The following ART3 variants were observed in gnomAD, a reference collection of about 807,000 sequenced individuals.
ART3 encodes the protein ecto-ADP-ribosyltransferase 3.
ART3 carries 49 observed loss-of-function variants against 48.5 expected under a neutral mutation model. That is an observed-to-expected ratio of 1.01 (90% CI 0.80 to 1.28). The LOEUF (loss-of-function observed/expected upper bound fraction) is 1.28. ART3 is among the 50% of genes most tolerant of loss of function. The probability of loss-of-function intolerance (pLI) is 0.00; values close to 1 mark genes in which losing one functional copy is unlikely to be tolerated. For synonymous variants in ART3, 145 were observed against 157.2 expected (o/e 0.92, Z 0.58); for missense variants, 438 against 454.3 (o/e 0.96, Z 0.33).
rs1478408976 is a variant in ART3, at chr4:76,105,376, C to T, written c.1003+747C>T. 14 of 745,312 alleles carry T rather than the reference C, an allele frequency of 1.9e-5. No individual in the cohort carries two copies. The African/African-American group carries it at 2.5e-4, about 13-fold the overall frequency. 46.2% of individuals were successfully genotyped at this position (745,312 alleles called of 1,614,324 possible). ...ACTTCACTTTCTACGCCCCTGCTTT[C>T]ACATCTGTAAAATGAGGAAAGCTTC... On this transcript the variant is annotated intron_variant, in intron 10 of 11. Coordinates refer to ENST00000355810, the MANE Select transcript of ART3 (RefSeq NM_001130016.3).
At chr4:76,020,240 C>T in intron 1 of ART3, among the ~76,000 whole-genome samples, 1 of 151,912 alleles carries the variant, frequency 6.6e-6, no homozygotes, top group South Asian at 2.1e-4. Flanking sequence ...GATCCTCCTG[C>T]CTCAGCCTCC....
At chr4:76,046,877 G>A (rs1333982059) in intron 1 of ART3, among the ~76,000 whole-genome samples, 1 of 152,000 alleles carries the variant, frequency 6.6e-6, no homozygotes, top group Non-Finnish European at 1.5e-5. Flanking sequence ...GGACCTTGAG[G>A]ACAGTCATCC....
chr4:76,079,585 G>A (rs1250690439), intron 2 of ART3, among the ~76,000 whole-genome samples: 2 of 152,108 alleles, frequency 1.3e-5, no homozygotes, highest in Non-Finnish European at 2.9e-5. Context: ...TAGAAAATAC[G>A]TAGCCTTGAG....
intron 1 of ART3, among the ~76,000 whole-genome samples, chr4:76,016,481 C>T (rs1732269690): frequency 6.6e-6 from 1 of 152,156 alleles, no homozygotes; most frequent in Non-Finnish European, 1.5e-5. Flanking sequence ...CCAAGCACAC[C>T]TGTGGCCACC....
chr4:76,053,560 G>T (rs1007963537), intron 1 of ART3, among the ~76,000 whole-genome samples: 7 of 152,072 alleles, frequency 4.6e-5, no homozygotes, highest in East Asian at 3.8e-4. Flanking sequence ...TTTTATTAGG[G>T]TATAATTAAC....
At chr4:76,087,974 G>A (rs1456411194) in intron 3 of ART3, among the ~76,000 whole-genome samples, 1 of 152,146 alleles carries the variant, frequency 6.6e-6, no homozygotes, top group Non-Finnish European at 1.5e-5. Flanking sequence ...TGTGCCTGTA[G>A]ACCCAACTAC....
At chr4:76,022,957 A>G (rs953327450) in intron 1 of ART3, 4 of 797,336 alleles carry the variant, frequency 5.0e-6, no homozygotes, top group Non-Finnish European at 6.0e-6. Context: ...GGATCACATC[A>G]TAACACAACT....
At chr4:76,072,174 A>T (rs367722035), upstream of ART3, among the ~76,000 whole-genome samples, 5 of 152,214 alleles carry the variant, frequency 3.3e-5, no homozygotes, top group African/African-American at 1.2e-4. Flanking sequence ...CTGGCTTCCA[A>T]ATCTCTGAGA....
At chr4:76,048,047 A>T (rs534948957) in intron 1 of ART3, among the ~76,000 whole-genome samples, 31 of 151,888 alleles carry the variant, frequency 2.0e-4, no homozygotes, top group Admixed American at 3.3e-4. Flanking sequence ...AGGGGTTTTT[A>T]TGGTCGTTTG....
intron 1 of ART3, among the ~76,000 whole-genome samples, chr4:76,036,440 T>C (rs1734415594): frequency 6.6e-6 from 1 of 152,180 alleles, no homozygotes; most frequent in Non-Finnish European, 1.5e-5. Context: ...AATAATATTC[T>C]GAAAAGCTTT....
intron 1 of ART3, chr4:76,022,414 G>A (rs935617551): frequency 1.2e-6 from 2 of 1,613,540 alleles, no homozygotes; most frequent in South Asian, 1.1e-5. Flanking sequence ...CTTCGATTCT[G>A]GATTCAGACA....
At chr4:76,112,278 C>T in intron 11 of ART3, 108 bp from the exon 12 acceptor site, 1 of 1,349,208 alleles carries the variant, frequency 7.4e-7, no homozygotes. Context: ...AGGTAAGTTT[C>T]TACTTCAACT....
intron 11 of ART3, among the ~76,000 whole-genome samples, chr4:76,108,440 G>A (rs902187724): frequency 2.6e-5 from 4 of 152,110 alleles, no homozygotes; most frequent in Non-Finnish European, 4.4e-5. Context: ...TAACTTACAT[G>A]TATGTCTAGC....
chr4:76,019,110 A>G (rs930050838), intron 1 of ART3, among the ~76,000 whole-genome samples: 1 of 151,996 alleles, frequency 6.6e-6, no homozygotes, highest in Non-Finnish European at 1.5e-5. Context: ...TGGGAATTTG[A>G]ACATAATAAG....
At chr4:76,077,487 T>G (rs929120931) in intron 2 of ART3, among the ~76,000 whole-genome samples, 12 of 152,208 alleles carry the variant, frequency 7.9e-5, no homozygotes, top group African/African-American at 2.9e-4. Flanking sequence ...ATGTACAAGT[T>G]TTTATGTGAA....
chr4:76,027,104 T>A (rs1365492543), intron 1 of ART3, among the ~76,000 whole-genome samples: 1 of 151,816 alleles, frequency 6.6e-6, no homozygotes, highest in Non-Finnish European at 1.5e-5. Context: ...ATACAAAAAA[T>A]TGGCTGGGCG....
At chr4:76,090,167 G>A (rs1001763395) in intron 3 of ART3, among the ~76,000 whole-genome samples, 1 of 152,204 alleles carries the variant, frequency 6.6e-6, no homozygotes, top group Admixed American at 6.5e-5. Flanking sequence ...CTAATGGCAG[G>A]TCAGCCACAT....
At chr4:76,040,440 A>ACACACACACACGCACG (rs1553926420) in intron 1 of ART3, among the ~76,000 whole-genome samples, 1 of 93,256 alleles carries the variant, frequency 1.1e-5, no homozygotes, top group East Asian at 3.3e-4. Context: ...CACTGGATAC[A>ACACACACACACGCACG]CACACACACA....
intron 1 of ART3, among the ~76,000 whole-genome samples, chr4:76,017,354 G>A (rs1732362079): frequency 6.6e-6 from 1 of 152,006 alleles, no homozygotes; most frequent in African/African-American, 2.4e-5. Flanking sequence ...CCCAGGGCAT[G>A]TCTAGAAATG....
Sources: allele counts gnomAD v4.1 joint callset (sites outside exome capture counted in the v4.1 genomes callset), GRCh38; gene constraint gnomAD v4.1.1; transcripts MANE v1.5; gene names NCBI Gene and HGNC (gene_info 2026-07-23, HGNC 2026-07-21).